Variants in AGPAT5 observed in about 807,000 individuals in gnomAD.
The protein encoded by AGPAT5 is 1-acylglycerol-3-phosphate O-acyltransferase 5.
Under a neutral mutation model 45.6 loss-of-function variants are expected in AGPAT5, and 46 were observed. That is an observed-to-expected ratio of 1.01 (90% CI 0.80 to 1.29). The LOEUF is 1.29. Among genes scored for constraint, AGPAT5 ranks in the 50% most tolerant of loss-of-function variants. AGPAT5 has a pLI of 0.00. For missense variants in AGPAT5, 673 were observed against 450.7 expected, an observed-to-expected ratio of 1.49 and a Z score of -4.47; for synonymous variants, 272 against 167.0, an observed-to-expected ratio of 1.63 and a Z score of -4.85.
At chr8:6,730,858 A>T in intron 3 of AGPAT5, 32 bp downstream of exon 3, 6 of 1,355,980 alleles carry the variant, frequency 4.4e-6, no homozygotes, top group Non-Finnish European at 6.1e-6. Flanking sequence ...CTCTCTATAT[A>T]TGTAGTTTAT....
At chr8:6,718,709 C>T (rs2116864650) in intron 1 of AGPAT5, among the ~76,000 whole-genome samples, 1 of 152,334 alleles carries the variant, frequency 6.6e-6, no homozygotes, top group Middle Eastern at 3.4e-3. Context: ...TATGATACTG[C>T]TGCCCTTTTA....
Position 6,740,117 on chromosome 8 carries a change from C to G in AGPAT5, c.496-1544C>G, listed in dbSNP as rs1267442349. ...TGAATTAGCTGTGAATGAATTCATGCCTTCCTGCTGTCTGTCAATGTTCTT... is the reference window on the plus strand; with the variant it reads ...TGAATTAGCTGTGAATGAATTCATGGCTTCCTGCTGTCTGTCAATGTTCTT... On this transcript the variant is annotated intron_variant, in intron 4 of 7. Coordinates refer to ENST00000285518, the MANE Select transcript of AGPAT5 (RefSeq NM_018361.5). 2.0e-5 allele frequency among the ~76,000 whole-genome samples: 3 copies of G among 152,096 alleles called. No homozygotes were observed. In the East Asian group the frequency reaches 5.8e-4, roughly 29 times the overall value.
At chr8:6,715,718 C>T (rs987643530) in intron 1 of AGPAT5, among the ~76,000 whole-genome samples, 1 of 152,066 alleles carries the variant, frequency 6.6e-6, no homozygotes, top group Non-Finnish European at 1.5e-5. Context: ...CATGAACTGC[C>T]AATTACAATA....
At chr8:6,719,487 G>C (rs1274323740) in intron 1 of AGPAT5, among the ~76,000 whole-genome samples, 1 of 152,164 alleles carries the variant, frequency 6.6e-6, no homozygotes, top group South Asian at 2.1e-4. Context: ...TCAAAATTCT[G>C]CATTCATACA....
At chr8:6,710,283 C>G (rs1464671660) in intron 1 of AGPAT5, among the ~76,000 whole-genome samples, 1 of 152,056 alleles carries the variant, frequency 6.6e-6, no homozygotes, top group Non-Finnish European at 1.5e-5. Context: ...AATTGCATAC[C>G]TTACCTGATG....
chr8:6,757,197 G>A lies in AGPAT5; in HGVS notation c.904G>A (p.Glu302Lys), dbSNP rs753751503. 4.3e-6 allele frequency: 7 copies of A among 1,614,020 alleles called. No homozygotes were observed. In the South Asian group the frequency reaches 7.7e-5, roughly 18 times the overall value. ...AGAATTTTATGAGTCACCAGATCCA[G>A]AAAGAAGAAAAAGATTTCCTGGGAA... The part of the protein sequence containing the change: ...LIEFYESPDP[E>K]RRKRFPGKSV... Residue 302 changes from glutamate to lysine, a missense_variant, in exon 8 of 8, where the codon GAA (glutamate) becomes AAA (lysine). Physicochemically the swap from Glu to Lys is moderately conservative, Grantham distance 56. Transcript: ENST00000285518.
chr8:6,713,714 C>T (rs952724768), intron 1 of AGPAT5, among the ~76,000 whole-genome samples: 48 of 99,782 alleles, frequency 4.8e-4, no homozygotes, highest in Admixed American at 3.2e-3. Flanking sequence ...GCACCATGCC[C>T]AGCTAATTTT....
chr8:6,716,875 G>C (rs1800349123), intron 1 of AGPAT5, among the ~76,000 whole-genome samples: 1 of 152,136 alleles, frequency 6.6e-6, no homozygotes, highest in Non-Finnish European at 1.5e-5. Flanking sequence ...AGAAAAGGCA[G>C]AGTACTCTAG....
chr8:6,713,052 G>C (rs779345652), intron 1 of AGPAT5, among the ~76,000 whole-genome samples: 1 of 152,188 alleles, frequency 6.6e-6, no homozygotes, highest in Non-Finnish European at 1.5e-5. Flanking sequence ...TGGTGCGGTG[G>C]CACCATCATT....
At chr8:6,753,389 C>G (rs6997196) in intron 6 of AGPAT5, among the ~76,000 whole-genome samples, 5,529 of 152,180 alleles carry the variant, frequency 0.036, 231 homozygotes, top group African/African-American at 0.099. Flanking sequence ...AGGTGGAGAT[C>G]TAGATAATTC....
In AGPAT5 at chr8:6,708,728, G is replaced by A; in HGVS notation, c.60G>A (p.Val20=). 1 of 1,607,162 alleles carries A rather than the reference G, an allele frequency of 6.2e-7. No individual in the cohort carries two copies. Among genetic ancestry groups the A allele is most frequent in the South Asian group, 1.1e-5 (1 of 90,944 alleles). ...YSMRYLLPSV[V]LLGTAPTYVL... ...TGCGCTACCTGCTGCCCAGCGTCGT[G>A]CTCCTGGGCACGGCGCCCACCTACG... Residue 20 remains valine (V), a synonymous_variant, in exon 1 of 8, where the codon GTG becomes GTA. Coordinates refer to ENST00000285518, the MANE Select transcript of AGPAT5 (RefSeq NM_018361.5).
intron 1 of AGPAT5, among the ~76,000 whole-genome samples, chr8:6,715,031 T>C (rs1264653174): frequency 6.6e-6 from 1 of 152,188 alleles, no homozygotes; most frequent in African/African-American, 2.4e-5. Context: ...CAGTAAGGGA[T>C]CTCTAGAACC....
At chr8:6,753,567 T>C (rs939469193) in intron 6 of AGPAT5, among the ~76,000 whole-genome samples, 1 of 152,154 alleles carries the variant, frequency 6.6e-6, no homozygotes. Flanking sequence ...ATTATTATTA[T>C]CCCTACTTTA....
chr8:6,749,063 G>C (rs182878283), intron 6 of AGPAT5, among the ~76,000 whole-genome samples: 2 of 152,308 alleles, frequency 1.3e-5, no homozygotes, highest in African/African-American at 4.8e-5. Flanking sequence ...CCTTCTAGAC[G>C]TAGTACTGTG....
At chr8:6,713,818 T>G (rs1800234147) in intron 1 of AGPAT5, among the ~76,000 whole-genome samples, 1 of 152,160 alleles carries the variant, frequency 6.6e-6, no homozygotes, top group South Asian at 2.1e-4. Context: ...CCGTCCTTGA[T>G]CCACCATGCT....
intron 1 of AGPAT5, among the ~76,000 whole-genome samples, chr8:6,716,693 C>T (rs561131161): frequency 2.6e-4 from 39 of 152,042 alleles, no homozygotes; most frequent in Admixed American, 1.3e-3. Flanking sequence ...ATTAGCCGGG[C>T]GTGGTGGTGC....
At chr8:6,725,527 C>T (rs554347536) in intron 2 of AGPAT5, among the ~76,000 whole-genome samples, 2 of 152,110 alleles carry the variant, frequency 1.3e-5, no homozygotes, top group South Asian at 4.2e-4. Flanking sequence ...ATTCTAGAGT[C>T]CCAAGAATTT....
chr8:6,735,708 C>T (rs1801027864), intron 4 of AGPAT5, among the ~76,000 whole-genome samples: 1 of 151,998 alleles, frequency 6.6e-6, no homozygotes, highest in South Asian at 2.1e-4. Flanking sequence ...GTAGGGTTGG[C>T]AGTAGTATTC....
chr8:6,716,937 G>A (rs190355894), intron 1 of AGPAT5, among the ~76,000 whole-genome samples: 2 of 152,164 alleles, frequency 1.3e-5, no homozygotes, highest in African/African-American at 4.8e-5. Context: ...CACTTTTAAG[G>A]GATGGAGATT....
Sources: allele counts gnomAD v4.1 joint callset (sites outside exome capture counted in the v4.1 genomes callset), GRCh38; gene constraint gnomAD v4.1.1; transcripts MANE v1.5; gene names NCBI Gene and HGNC (gene_info 2026-07-23, HGNC 2026-07-21).